Variants in EPHA6 observed in about 807,000 individuals in gnomAD.
EPHA6 encodes the protein EPH receptor A6.
In EPHA6, 50 loss-of-function variants were observed where a neutral mutation model predicts 112.0. The ratio of observed to expected loss-of-function variants is 0.45; its 90% CI spans 0.36 to 0.56. EPHA6 has a LOEUF of 0.56. Ranked by LOEUF, EPHA6 falls within the 20% of genes least tolerant of loss-of-function variation. EPHA6 has a pLI of 0.00. For missense variants in EPHA6, 1,280 were observed against 1,417.4 expected (o/e 0.90, Z 1.56); for synonymous variants, 529 against 490.7 (o/e 1.08, Z -1.03).
In EPHA6 at chr3:97,285,612, A is replaced by G. The variant is rs565932428; in HGVS notation, c.1606+41325A>G. On this transcript the variant is annotated intron_variant, in intron 5 of 17. Transcript: ENST00000389672. ...ATTGTGTATATATCATATTTTCTTT[A>G]TCCATCTATAGATAGACACTAACAT... Among the ~76,000 whole-genome samples the G allele has an allele frequency of 5.3e-5, 8 of 152,010 alleles. No homozygotes were observed. In the South Asian group the frequency reaches 1.5e-3, roughly 28 times the overall value.
intron 10 of EPHA6, among the ~76,000 whole-genome samples, chr3:97,529,467 T>C (rs1356880785): frequency 2.0e-5 from 3 of 152,092 alleles, no homozygotes; most frequent in Admixed American, 6.6e-5. Context: ...AGTATTCCTA[T>C]AGTTGATGAG....
At chr3:97,285,021 G>A (rs1523776) in intron 5 of EPHA6, among the ~76,000 whole-genome samples, 151,321 of 152,214 alleles carry the variant, frequency 0.99, 75,224 homozygotes, top group East Asian at 1. Flanking sequence ...TTGACTATAC[G>A]TGTGTCAAAA....
At chr3:97,594,729 AG>A (rs2093572907) in intron 12 of EPHA6, among the ~76,000 whole-genome samples, 1 of 152,224 alleles carries the variant, frequency 6.6e-6, no homozygotes, top group Non-Finnish European at 1.5e-5. Context: ...AAAAAACTAA[AG>A]TATTTCTTTG....
intron 2 of EPHA6, among the ~76,000 whole-genome samples, chr3:96,873,139 C>A (rs1207719576): frequency 1.3e-5 from 2 of 151,794 alleles, no homozygotes; most frequent in Non-Finnish European, 2.9e-5. Flanking sequence ...ATGGTGGGTA[C>A]CTGTAATCCT....
intron 1 of EPHA6, among the ~76,000 whole-genome samples, chr3:96,835,402 C>T (rs1422788255): frequency 6.6e-6 from 1 of 151,864 alleles, no homozygotes; most frequent in Admixed American, 6.6e-5. Flanking sequence ...GCTTGAGATA[C>T]AGGTTGAAAC....
At chr3:96,815,503 C>A (rs2032706745) in intron 1 of EPHA6, among the ~76,000 whole-genome samples, 1 of 152,110 alleles carries the variant, frequency 6.6e-6, no homozygotes, top group Non-Finnish European at 1.5e-5. Context: ...AGTCCCCATG[C>A]TTCATCTACC....
chr3:97,235,952 A>G (rs2078666788), intron 4 of EPHA6, among the ~76,000 whole-genome samples: 1 of 152,216 alleles, frequency 6.6e-6, no homozygotes, highest in East Asian at 1.9e-4. Flanking sequence ...ACTGAAAAAT[A>G]TATTTTAAAA....
chr3:97,178,733 G>T (rs1332755861), intron 3 of EPHA6, among the ~76,000 whole-genome samples: 1 of 152,024 alleles, frequency 6.6e-6, no homozygotes, highest in Non-Finnish European at 1.5e-5. Context: ...GAGCTCCATT[G>T]TATGTTATTC....
chr3:97,280,968 G>T (rs990229812), intron 5 of EPHA6, among the ~76,000 whole-genome samples: 1 of 152,278 alleles, frequency 6.6e-6, no homozygotes, highest in Admixed American at 6.5e-5. Context: ...GAATAATAGT[G>T]AAGTTTTATC....
At chr3:97,202,657 T>C (rs757053179) in intron 3 of EPHA6, among the ~76,000 whole-genome samples, 6 of 152,066 alleles carry the variant, frequency 3.9e-5, no homozygotes, top group Non-Finnish European at 8.8e-5. Flanking sequence ...CTTTAGTGAA[T>C]AGTAATAACA....
intron 10 of EPHA6, among the ~76,000 whole-genome samples, chr3:97,524,462 G>A: frequency 6.6e-6 from 1 of 151,774 alleles, no homozygotes; most frequent in East Asian, 1.9e-4. Context: ...AGCTATAATT[G>A]TTTAAATACA....
In EPHA6 at chr3:97,701,335, A is replaced by C. The variant is rs2033375817; in HGVS notation, c.2785-18926A>C. ...GGAGATAGTAGGGGTCCCAAAGCCT[A>C]AGAAAGAGCTCAGTATTGGCTGAAT... On this transcript the variant is annotated intron_variant, in intron 14 of 17. Transcript: ENST00000389672. Among the ~76,000 whole-genome samples, 4 of 152,218 alleles carry C rather than the reference A, an allele frequency of 2.6e-5. No individual in the cohort carries two copies. In the South Asian group the frequency reaches 8.3e-4, roughly 32 times the overall value.
At chr3:97,453,646 C>T (rs1022172962) in intron 7 of EPHA6, among the ~76,000 whole-genome samples, 9 of 151,506 alleles carry the variant, frequency 5.9e-5, no homozygotes, top group Non-Finnish European at 1.3e-4. Flanking sequence ...AATCTTATGT[C>T]GTGCCTTATA....
chr3:97,300,183 A>T (rs570612318), intron 5 of EPHA6, among the ~76,000 whole-genome samples: 2 of 152,188 alleles, frequency 1.3e-5, no homozygotes, highest in African/African-American at 2.4e-5. Flanking sequence ...TTATCACAAA[A>T]ATCTAAACTG....
At chr3:97,666,814 G>C (rs746400573) in intron 14 of EPHA6, among the ~76,000 whole-genome samples, 3 of 152,182 alleles carry the variant, frequency 2.0e-5, no homozygotes, top group Non-Finnish European at 2.9e-5. Context: ...GAACCAATGA[G>C]AGGTTGTCTT....
At chr3:97,703,994 C>T (rs2033541329) in intron 14 of EPHA6, among the ~76,000 whole-genome samples, 1 of 151,900 alleles carries the variant, frequency 6.6e-6, no homozygotes, top group African/African-American at 2.4e-5. Flanking sequence ...CCTTCTTGCC[C>T]TTCAGGTAAA....
intron 5 of EPHA6, among the ~76,000 whole-genome samples, chr3:97,325,469 G>T (rs2082374488): frequency 6.6e-6 from 1 of 151,994 alleles, no homozygotes; most frequent in Non-Finnish European, 1.5e-5. Flanking sequence ...CACTCTTATG[G>T]CCTCATTTTA....
chr3:96,855,290 T>C, intron 1 of EPHA6, among the ~76,000 whole-genome samples: 1 of 152,160 alleles, frequency 6.6e-6, no homozygotes, highest in South Asian at 2.1e-4. Flanking sequence ...GCAACCTTAA[T>C]TTTCCTTCTC....
chr3:97,046,238 T>C (rs1289080490), intron 3 of EPHA6, among the ~76,000 whole-genome samples: 1 of 152,180 alleles, frequency 6.6e-6, no homozygotes, highest in East Asian at 1.9e-4. Context: ...CATGACCTGG[T>C]TGGATTTATC....
Sources: allele counts gnomAD v4.1 joint callset (sites outside exome capture counted in the v4.1 genomes callset), GRCh38; gene constraint gnomAD v4.1.1; transcripts MANE v1.5; gene names NCBI Gene and HGNC (gene_info 2026-07-23, HGNC 2026-07-21).